The following ABHD13 variants were observed in gnomAD, a reference collection of about 807,000 sequenced individuals.
The protein encoded by ABHD13 is protein ABHD13.
In ABHD13, 7 loss-of-function variants were observed where a neutral mutation model predicts 25.2. The observed-to-expected ratio is 0.28, with a 90% CI of 0.16 to 0.52. The LOEUF is 0.52. Among genes scored for constraint, ABHD13 ranks in the 20% least tolerant of loss-of-function variants. The pLI is 0.96. For missense variants in ABHD13, 302 were observed against 402.7 expected (o/e 0.75, Z 2.14); for synonymous variants, 133 against 136.1 (o/e 0.98, Z 0.16).
chr13:108,229,901 C>T lies in ABHD13; in HGVS notation c.683C>T (p.Thr228Ile). ...TTAAGCATACCACATATGGCCAGCA[C>T]TTTATTTTCATTCTTTCCGATGCGT... ...TFLSIPHMAS[T>I]LFSFFPMRYL... Residue 228 changes from threonine to isoleucine, a missense_variant, in exon 2 of 2, where the codon ACT becomes ATT. By Grantham distance (89) the Thr-to-Ile change is moderately conservative (BLOSUM62 -1). Coordinates refer to ENST00000375898, the MANE Select transcript of ABHD13 (RefSeq NM_032859.3). This position sits in a 1 kb window ranked among gnomAD's most constrained non-coding sequence, Gnocchi z 4.7. 3 of 1,613,324 alleles carry T rather than the reference C, an allele frequency of 1.9e-6. No homozygotes were observed. The highest frequency in any genetic ancestry group is 2.5e-6 in the Non-Finnish European group (3 of 1,179,450).
chr13:108,220,516 T>C (rs1256626741), intron 1 of ABHD13, among the ~76,000 whole-genome samples: 1 of 152,264 alleles, frequency 6.6e-6, no homozygotes, highest in Admixed American at 6.5e-5. Context: ...CAGGAAAGTC[T>C]TAAGACCTTT....
chr13:108,233,346 G>C lies in ABHD13; in HGVS notation c.*3114G>C, dbSNP rs1488389592. On this transcript the variant is annotated 3_prime_UTR_variant, in exon 2 of 2. Transcript: ENST00000375898. ...TCATTTTTTATAAATTATCTTTCAA[G>C]CTCAGATAGCTTAAGAGCAGTTTAT... The C allele has an allele frequency of 6.0e-6, 1 of 166,812 alleles. No homozygotes were observed. The highest frequency in any genetic ancestry group is 1.9e-4 in the East Asian group (1 of 5,198). The allele number at this position is 166,812 out of a possible 1,614,324, so 10.3% of individuals were successfully genotyped here.
chr13:108,223,074 C>A (rs923391540), intron 1 of ABHD13, among the ~76,000 whole-genome samples: 9 of 152,214 alleles, frequency 5.9e-5, no homozygotes, highest in Non-Finnish European at 1.5e-5. Flanking sequence ...CTTGTTACAT[C>A]AAAATCTGTT....
At chr13:108,224,139 A>G (rs372897344) in intron 1 of ABHD13, among the ~76,000 whole-genome samples, 9 of 152,228 alleles carry the variant, frequency 5.9e-5, no homozygotes, top group Admixed American at 2.0e-4. Context: ...CCTTTGCTAT[A>G]TGTAATGACA....
chr13:108,219,574 T>C (rs1039701649), intron 1 of ABHD13, among the ~76,000 whole-genome samples: 2 of 152,208 alleles, frequency 1.3e-5, no homozygotes. Flanking sequence ...GCCGATTTAG[T>C]GTTAATGTCA....
At chr13:108,218,995 C>T (rs1446536242) in intron 1 of ABHD13, among the ~76,000 whole-genome samples, 3 of 152,120 alleles carry the variant, frequency 2.0e-5, no homozygotes, top group Admixed American at 2.0e-4. Context: ...GTAATTGGAA[C>T]CTAAAACGTA....
At chr13:108,226,269 T>C (rs1213711340) in intron 1 of ABHD13, among the ~76,000 whole-genome samples, 1 of 152,196 alleles carries the variant, frequency 6.6e-6, no homozygotes, top group Non-Finnish European at 1.5e-5. Flanking sequence ...GCTTAGCTGC[T>C]TCATGCTCCA....
chr13:108,220,435 A>T (rs907948397), intron 1 of ABHD13, among the ~76,000 whole-genome samples: 2 of 152,318 alleles, frequency 1.3e-5, no homozygotes, highest in African/African-American at 4.8e-5. Context: ...TCTCAGGGGA[A>T]TCTATTTCTG....
chr13:108,218,786 A>G, intron 1 of ABHD13, 127 bp downstream of exon 1: 1 of 148,244 alleles, frequency 6.7e-6, no homozygotes, highest in Non-Finnish European at 1.5e-5. Flanking sequence ...CTGTGGGGGG[A>G]GCCCCGGGGC....
At chr13:108,224,652 C>T (rs1248021268) in intron 1 of ABHD13, among the ~76,000 whole-genome samples, 1 of 152,134 alleles carries the variant, frequency 6.6e-6, no homozygotes, top group Non-Finnish European at 1.5e-5. Flanking sequence ...ACACTGTTAG[C>T]CAGCAAGGTG....
intron 1 of ABHD13, among the ~76,000 whole-genome samples, chr13:108,221,486 TC>T: frequency 6.6e-6 from 1 of 152,332 alleles, no homozygotes; most frequent in Non-Finnish European, 1.5e-5. Context: ...TGTGGGGTCC[TC>T]ATTCTCTGCT....
At chr13:108,220,896 T>C (rs1879554423) in intron 1 of ABHD13, among the ~76,000 whole-genome samples, 3 of 152,252 alleles carry the variant, frequency 2.0e-5, no homozygotes, top group Admixed American at 6.5e-5. Flanking sequence ...TTGGAAACTT[T>C]GTGAATTTCA....
chr13:108,227,037 T>G (rs764491939), intron 1 of ABHD13, among the ~76,000 whole-genome samples: 2 of 152,090 alleles, frequency 1.3e-5, no homozygotes, highest in Non-Finnish European at 2.9e-5. Context: ...TGACTTCCAT[T>G]TGATATTACT....
intron 1 of ABHD13, among the ~76,000 whole-genome samples, chr13:108,219,856 G>T (rs1046286803): frequency 1.3e-5 from 2 of 152,166 alleles, no homozygotes; most frequent in Non-Finnish European, 2.9e-5. Context: ...CCTGAGTTTG[G>T]TTTTAACAGA....
At chr13:108,221,033 C>T (rs916527502) in intron 1 of ABHD13, among the ~76,000 whole-genome samples, 2 of 152,176 alleles carry the variant, frequency 1.3e-5, no homozygotes, top group Non-Finnish European at 2.9e-5. Context: ...TTACTTCTGC[C>T]AGAGTTGACT....
Position 108,233,425 on chromosome 13 carries a change from A to C in ABHD13, c.*3193A>C, listed in dbSNP as rs2139017946. On this transcript the variant is annotated 3_prime_UTR_variant, in exon 2 of 2. Coordinates refer to ENST00000375898, the MANE Select transcript of ABHD13 (RefSeq NM_032859.3). ...TAGGGATAGGTAAGGTAAACTTGTAAAAAGGATGTCACAGAAGTCACTTTT... is the reference window on the plus strand; with the variant it reads ...TAGGGATAGGTAAGGTAAACTTGTACAAAGGATGTCACAGAAGTCACTTTT... The C allele has an allele frequency of 6.0e-6, 1 of 166,964 alleles. No homozygotes were observed. Among genetic ancestry groups the C allele is most frequent in the Non-Finnish European group, 1.5e-5 (1 of 67,964 alleles). 10.3% of individuals were successfully genotyped at this position (166,964 alleles called of 1,614,324 possible). A position where few individuals can be genotyped will look rare whatever the true frequency, so the allele number is the denominator to read the frequency against.
chr13:108,229,920 G>A lies in ABHD13; in HGVS notation c.702G>A (p.Pro234=), dbSNP rs771669435. Residue 234 remains proline (P), a synonymous_variant, in exon 2 of 2, where the codon CCG becomes CCA. Coordinates refer to ENST00000375898, the MANE Select transcript of ABHD13 (RefSeq NM_032859.3). This position sits in a 1 kb window ranked among gnomAD's most constrained non-coding sequence, Gnocchi z 4.7. ...CCAGCACTTTATTTTCATTCTTTCC[G>A]ATGCGTTACCTTCCTTTATGGTGCT... ...HMASTLFSFF[P]MRYLPLWCYK... 9 of 1,612,984 alleles carry A rather than the reference G, an allele frequency of 5.6e-6. No individual in the cohort carries two copies. The East Asian group carries it at 6.7e-5, about 12-fold the overall frequency.
At chr13:108,227,521 A>G (rs1879700749) in intron 1 of ABHD13, among the ~76,000 whole-genome samples, 1 of 152,108 alleles carries the variant, frequency 6.6e-6, no homozygotes. Flanking sequence ...AAATGTAAAT[A>G]TAAGATTCAA....
In ABHD13 at chr13:108,218,634, A is replaced by G. The variant is rs1879447516; in HGVS notation, c.-46A>G. 6.6e-6 allele frequency: 1 copy of G among 151,788 alleles called. No homozygotes were observed. The highest frequency in any genetic ancestry group is 2.1e-4 in the South Asian group (1 of 4,832). The allele number at this position is 151,788 out of a possible 1,614,324, so 9.4% of individuals were successfully genotyped here. Reference sequence around the variant, plus strand: ...GCGCCCGGTTTCGTGCCCGCGGCCGACTGCGCAGCCTGTCCGCGAGTCTGA... The same window carrying G: ...GCGCCCGGTTTCGTGCCCGCGGCCGGCTGCGCAGCCTGTCCGCGAGTCTGA... On this transcript the variant is annotated 5_prime_UTR_variant, in exon 1 of 2. Coordinates refer to ENST00000375898, the MANE Select transcript of ABHD13 (RefSeq NM_032859.3).
Sources: allele counts gnomAD v4.1 joint callset (sites outside exome capture counted in the v4.1 genomes callset), GRCh38; gene constraint gnomAD v4.1.1; non-coding constraint Gnocchi (gnomAD v3.1); transcripts MANE v1.5; gene names NCBI Gene and HGNC (gene_info 2026-07-23, HGNC 2026-07-21).